TENM3: variants seen among roughly 807,000 people sequenced by gnomAD.
TENM3 encodes the protein teneurin-3.
Under a neutral mutation model 255.1 loss-of-function variants are expected in TENM3, and 63 were observed. The ratio of observed to expected loss-of-function variants is 0.25; its 90% CI spans 0.20 to 0.30. The LOEUF (loss-of-function observed/expected upper bound fraction) is 0.30. Among genes scored for constraint, TENM3 ranks in the 10% least tolerant of loss-of-function variants. TENM3 has a pLI of 1.00. For missense variants in TENM3, 2,929 were observed against 3,461.1 expected (o/e 0.85, Z 3.86); for synonymous variants, 1,306 against 1,322.3 (o/e 0.99, Z 0.27).
chr4:182,335,494 C>CAAAAAAAAAAAAAA (rs372965020), intron 2 of TENM3, among the ~76,000 whole-genome samples: 3 of 52,398 alleles, frequency 5.7e-5, no homozygotes, highest in African/African-American at 2.1e-4. Context: ...GACTCCGCCT[C>CAAAAAAAAAAAAAA]AAAAAAAAAA....
chr4:181,902,470 C>T, the TENM3 span, among the ~76,000 whole-genome samples: 2 of 152,234 alleles, frequency 1.3e-5, no homozygotes, highest in Middle Eastern at 3.4e-3. Context: ...GACACATGCA[C>T]GCGTATGTTT....
the TENM3 span, among the ~76,000 whole-genome samples, chr4:181,950,410 G>A: frequency 2.6e-5 from 4 of 152,032 alleles, no homozygotes; most frequent in Admixed American, 6.5e-5. Context: ...TCACAGGGAC[G>A]CGCATGAAAC....
the TENM3 span, among the ~76,000 whole-genome samples, chr4:181,516,752 G>A: frequency 1.3e-5 from 2 of 150,350 alleles, no homozygotes; most frequent in East Asian, 3.9e-4. Context: ...CTCCAGCCTG[G>A]GCAACAAGGG....
chr4:182,527,882 C>T (rs1424422692), intron 3 of TENM3, among the ~76,000 whole-genome samples: 1 of 152,046 alleles, frequency 6.6e-6, no homozygotes, highest in East Asian at 1.9e-4. Flanking sequence ...CACATGCTGC[C>T]ACGCCCGGCT....
chr4:181,559,784 C>T, the TENM3 span, among the ~76,000 whole-genome samples: 394 of 152,300 alleles, frequency 2.6e-3, 2 homozygotes, highest in Admixed American at 3.4e-3. Flanking sequence ...TGCACTCAGC[C>T]GCATACCAGC....
At chr4:182,435,820 A>G (rs1351353978) in intron 3 of TENM3, among the ~76,000 whole-genome samples, 1 of 152,218 alleles carries the variant, frequency 6.6e-6, no homozygotes, top group African/African-American at 2.4e-5. Context: ...TTAAAAAGGC[A>G]TCAAACTCAC....
chr4:182,393,427 A>T (rs1768576874), intron 3 of TENM3, among the ~76,000 whole-genome samples: 1 of 152,232 alleles, frequency 6.6e-6, no homozygotes, highest in East Asian at 1.9e-4. Context: ...ACATATAGAA[A>T]ACTAGAAAAT....
At chr4:182,073,280 G>A in the TENM3 span, among the ~76,000 whole-genome samples, 38 of 152,266 alleles carry the variant, frequency 2.5e-4, 1 homozygote, top group African/African-American at 8.7e-4. Flanking sequence ...AACAGCATGG[G>A]GGAAACCAGC....
At chr4:182,787,857 C>T (rs1244366182) in intron 24 of TENM3, among the ~76,000 whole-genome samples, 1 of 151,546 alleles carries the variant, frequency 6.6e-6, no homozygotes, top group African/African-American at 2.4e-5. Flanking sequence ...TTTAGCTTAT[C>T]GAGCTGCCAT....
At chr4:181,699,976 C>G in the TENM3 span, among the ~76,000 whole-genome samples, 6 of 152,080 alleles carry the variant, frequency 3.9e-5, no homozygotes, top group Admixed American at 2.6e-4. Context: ...TTTTTTGTTT[C>G]AGTCGTCCTG....
At chr4:181,871,547 T>G in the TENM3 span, among the ~76,000 whole-genome samples, 2 of 152,270 alleles carry the variant, frequency 1.3e-5, no homozygotes, top group African/African-American at 4.8e-5. Context: ...ATGCCTTTTA[T>G]GTCTTTCTCT....
chr4:181,958,620 G>A, the TENM3 span, among the ~76,000 whole-genome samples: 1 of 152,064 alleles, frequency 6.6e-6, no homozygotes, highest in Non-Finnish European at 1.5e-5. Context: ...TGGGTAGGCT[G>A]GAAACTGCTT....
the TENM3 span, among the ~76,000 whole-genome samples, chr4:181,752,791 A>C: frequency 6.6e-6 from 1 of 152,180 alleles, no homozygotes; most frequent in East Asian, 1.9e-4. Flanking sequence ...ATAGAAAAAA[A>C]AATAGATCTT....
chr4:181,473,692 T>C, the TENM3 span, among the ~76,000 whole-genome samples: 2 of 145,420 alleles, frequency 1.4e-5, no homozygotes, highest in African/African-American at 4.9e-5. Context: ...GACATGCCTA[T>C]GGGTTGCCCT....
At chr4:181,974,720 A>G in the TENM3 span, among the ~76,000 whole-genome samples, 1 of 152,204 alleles carries the variant, frequency 6.6e-6, no homozygotes, top group Non-Finnish European at 1.5e-5. Context: ...AGTGGAATAC[A>G]TTTACTACCA....
At chr4:181,794,666 CTGTGTG>C in the TENM3 span, among the ~76,000 whole-genome samples, 21 of 142,996 alleles carry the variant, frequency 1.5e-4, no homozygotes, top group African/African-American at 3.6e-4. Flanking sequence ...AATAATATCC[CTGTGTG>C]TGTGTGTGTG....
the TENM3 span, among the ~76,000 whole-genome samples, chr4:181,831,509 A>AC: frequency 1.3e-5 from 2 of 152,054 alleles, no homozygotes; most frequent in South Asian, 4.1e-4. Context: ...CAAAAAAAAA[A>AC]AAACCTGATT....
chr4:182,375,661 C>A (rs918282862), intron 3 of TENM3, among the ~76,000 whole-genome samples: 2 of 152,134 alleles, frequency 1.3e-5, no homozygotes, highest in Non-Finnish European at 2.9e-5. Flanking sequence ...CCTGCCTCCG[C>A]CTCCTGGGCA....
intron 3 of TENM3, among the ~76,000 whole-genome samples, chr4:182,476,928 A>G (rs1733732274): frequency 6.6e-6 from 1 of 152,180 alleles, no homozygotes; most frequent in African/African-American, 2.4e-5. Context: ...TTCTACTTCT[A>G]AACCCAATTG....
Sources: allele counts gnomAD v4.1 joint callset (sites outside exome capture counted in the v4.1 genomes callset), GRCh38; gene constraint gnomAD v4.1.1; transcripts MANE v1.5; gene names NCBI Gene and HGNC (gene_info 2026-07-23, HGNC 2026-07-21).